KIAA1328: variants seen among roughly 807,000 people sequenced by gnomAD.
KIAA1328 encodes the protein protein hinderin.
In KIAA1328, 52 loss-of-function variants were observed where a neutral mutation model predicts 68.1. The observed-to-expected ratio is 0.76, with a 90% CI of 0.61 to 0.96. The LOEUF is 0.96. Ranked by LOEUF, KIAA1328 falls within the 40% of genes least tolerant of loss-of-function variation. KIAA1328 has a pLI of 0.00. For synonymous variants in KIAA1328, 232 were observed against 239.4 expected (o/e 0.97, Z 0.28); for missense variants, 641 against 677.6 (o/e 0.95, Z 0.60).
intron 5 of KIAA1328, among the ~76,000 whole-genome samples, chr18:36,948,699 G>A (rs548195826): frequency 3.1e-4 from 47 of 152,070 alleles, no homozygotes; most frequent in Middle Eastern, 6.8e-3. Context: ...ACAGGCATGC[G>A]CCACCACGCC....
intron 7 of KIAA1328, among the ~76,000 whole-genome samples, chr18:37,130,823 C>T (rs1300352722): frequency 1.3e-5 from 2 of 152,010 alleles, no homozygotes; most frequent in Non-Finnish European, 2.9e-5. Flanking sequence ...TCTCTGGAGC[C>T]CTGTGACTCA....
At chr18:36,852,707 T>C (rs2047252130) in intron 4 of KIAA1328, among the ~76,000 whole-genome samples, 2 of 152,210 alleles carry the variant, frequency 1.3e-5, no homozygotes, top group African/African-American at 2.4e-5. Flanking sequence ...TGTTTTTTGT[T>C]ATCATTTCTA....
At chr18:36,985,867 G>T (rs565182912) in intron 6 of KIAA1328, among the ~76,000 whole-genome samples, 1 of 152,194 alleles carries the variant, frequency 6.6e-6, no homozygotes, top group Non-Finnish European at 1.5e-5. Flanking sequence ...CACATGAAAA[G>T]TTGCTCAACA....
chr18:36,965,778 T>G (rs1030337217), intron 6 of KIAA1328, among the ~76,000 whole-genome samples: 2 of 151,564 alleles, frequency 1.3e-5, no homozygotes, highest in Non-Finnish European at 2.9e-5. Context: ...TAATTTTATT[T>G]TGTTCTTTTT....
chr18:37,016,982 T>C lies in KIAA1328; in HGVS notation c.577-49908T>C, dbSNP rs2054174580. 2.6e-5 allele frequency among the ~76,000 whole-genome samples: 4 copies of C among 152,258 alleles called. No individual in the cohort carries two copies. In the South Asian group the frequency reaches 8.3e-4, roughly 32 times the overall value. On this transcript the variant is annotated intron_variant, in intron 6 of 9. Transcript: ENST00000280020. ...TCAATTTCATTCAGTTCCACTCTGATTTTAGTTACTTCTTTTCTTCTGCCA... is the reference window on the plus strand; with the variant it reads ...TCAATTTCATTCAGTTCCACTCTGACTTTAGTTACTTCTTTTCTTCTGCCA...
intron 5 of KIAA1328, among the ~76,000 whole-genome samples, chr18:36,895,112 A>G (rs1433052462): frequency 6.6e-6 from 1 of 152,206 alleles, no homozygotes; most frequent in Non-Finnish European, 1.5e-5. Context: ...CATTTTTAAA[A>G]ATAGTATTTG....
chr18:37,197,071 A>G (rs188787478), intron 9 of KIAA1328, among the ~76,000 whole-genome samples: 2 of 152,110 alleles, frequency 1.3e-5, no homozygotes, highest in East Asian at 1.9e-4. Flanking sequence ...TTATTGGCCT[A>G]TAGTCATTCA....
chr18:37,177,318 C>T (rs767858003), intron 9 of KIAA1328, among the ~76,000 whole-genome samples: 3 of 152,220 alleles, frequency 2.0e-5, no homozygotes, highest in Admixed American at 6.5e-5. Context: ...TTGTATTTTT[C>T]AGTCATATGG....
chr18:37,203,584 G>A (rs577862287), intron 9 of KIAA1328, among the ~76,000 whole-genome samples: 2 of 152,268 alleles, frequency 1.3e-5, no homozygotes, highest in South Asian at 4.1e-4. Context: ...GAAAAGCCTA[G>A]GAAGTATGCA....
chr18:37,015,599 A>G (rs2054125414), intron 6 of KIAA1328, among the ~76,000 whole-genome samples: 1 of 152,018 alleles, frequency 6.6e-6, no homozygotes, highest in South Asian at 2.1e-4. Flanking sequence ...CAGTATGGCC[A>G]TTTTAACTAT....
intron 1 of KIAA1328, among the ~76,000 whole-genome samples, chr18:36,830,661 G>A (rs1379887434): frequency 6.6e-6 from 1 of 152,040 alleles, no homozygotes; most frequent in East Asian, 1.9e-4. Flanking sequence ...CTTGGTCTTC[G>A]CACCCAGTAC....
At chr18:36,959,542 A>C in intron 6 of KIAA1328, 107 bp downstream of exon 6, 1 of 1,245,824 alleles carries the variant, frequency 8.0e-7, no homozygotes, top group Non-Finnish European at 1.1e-6. Flanking sequence ...ATATTGTTTT[A>C]AAACATGTAG....
Position 36,982,413 on chromosome 18 carries a change from C to T in KIAA1328, c.576+22978C>T, listed in dbSNP as rs2052730527. On this transcript the variant is annotated intron_variant, in intron 6 of 9. Transcript: ENST00000280020. ...GTAGCCAGAAAAAAAATACATGTTGCATACAATGGAAAAAATGATAAATAT... is the reference window on the plus strand; with the variant it reads ...GTAGCCAGAAAAAAAATACATGTTGTATACAATGGAAAAAATGATAAATAT... Among the ~76,000 whole-genome samples the T allele has an allele frequency of 2.6e-5, 4 of 151,120 alleles. No homozygotes were observed. The South Asian group carries it at 8.3e-4, about 31-fold the overall frequency.
intron 9 of KIAA1328, among the ~76,000 whole-genome samples, chr18:37,218,246 G>A (rs1200216158): frequency 6.6e-6 from 1 of 152,202 alleles, no homozygotes; most frequent in African/African-American, 2.4e-5. Context: ...AGGAACTCAA[G>A]GCTTTGTGTT....
At chr18:37,091,498 C>G (rs770407263) in intron 7 of KIAA1328, among the ~76,000 whole-genome samples, 16 of 152,164 alleles carry the variant, frequency 1.1e-4, no homozygotes, top group Non-Finnish European at 5.9e-5. Context: ...CTCTTCAGTT[C>G]TTATGGGCCT....
At chr18:36,856,046 T>C (rs577852434) in intron 4 of KIAA1328, among the ~76,000 whole-genome samples, 19 of 152,138 alleles carry the variant, frequency 1.2e-4, no homozygotes, top group Non-Finnish European at 1.5e-4. Flanking sequence ...TCATTAGGAA[T>C]TGACTATCTT....
chr18:37,142,959 T>C (rs2058804207), intron 7 of KIAA1328, among the ~76,000 whole-genome samples: 1 of 151,522 alleles, frequency 6.6e-6, no homozygotes, highest in South Asian at 2.1e-4. Context: ...TTTTTTGTTT[T>C]TTTTTTGTTT....
At chr18:37,099,622 G>T (rs573336540) in intron 7 of KIAA1328, among the ~76,000 whole-genome samples, 40 of 152,128 alleles carry the variant, frequency 2.6e-4, no homozygotes, top group African/African-American at 9.2e-4. Context: ...TCAATTCCTG[G>T]GTATCCTTGT....
At chr18:37,093,436 CAA>C (rs2057320833) in intron 7 of KIAA1328, among the ~76,000 whole-genome samples, 3 of 151,990 alleles carry the variant, frequency 2.0e-5, no homozygotes, top group African/African-American at 7.2e-5. Context: ...AGAAATTCAA[CAA>C]AGAGATCAGT....
Sources: gnomAD v4.1 joint callset for allele counts (sites outside exome capture counted in the v4.1 genomes callset) on GRCh38, gnomAD v4.1.1 for gene constraint, MANE v1.5 for transcripts, NCBI Gene and HGNC (gene_info 2026-07-23, HGNC 2026-07-21) for gene names.